Variants in NRG1 observed in about 807,000 individuals in gnomAD.
The protein encoded by NRG1 is neuregulin 1.
NRG1 carries 18 observed loss-of-function variants against 63.8 expected under a neutral mutation model. The ratio of observed to expected loss-of-function variants is 0.28; its 90% CI spans 0.19 to 0.42. The LOEUF (loss-of-function observed/expected upper bound fraction) is 0.42, where lower values mean the gene tolerates loss of function less well. Among genes scored for constraint, NRG1 ranks in the 10% least tolerant of loss-of-function variants. The pLI is 1.00. For synonymous variants in NRG1, 302 were observed against 301.3 expected (o/e 1.00, Z -0.02); for missense variants, 762 against 814.7 (o/e 0.94, Z 0.79).
chr8:31,912,402 G>A (rs1180178332), intron 1 of NRG1, among the ~76,000 whole-genome samples: 2 of 151,984 alleles, frequency 1.3e-5, no homozygotes, highest in African/African-American at 2.4e-5. Context: ...CAGGTGGCTG[G>A]CAGTGTGGGG....
intron 5 of NRG1, among the ~76,000 whole-genome samples, chr8:32,639,917 T>A (rs1039247370): frequency 1.1e-4 from 16 of 152,232 alleles, no homozygotes; most frequent in African/African-American, 3.6e-4. Context: ...AAACTTCTCT[T>A]ACTGCATTAA....
intron 1 of NRG1, among the ~76,000 whole-genome samples, chr8:32,452,387 AT>A (rs764685491): frequency 3.3e-5 from 5 of 152,088 alleles, no homozygotes; most frequent in Non-Finnish European, 7.4e-5. Context: ...CTTACGTTGT[AT>A]TTTATGAAAT....
At chr8:32,090,441 C>G (rs1828949987) in intron 1 of NRG1, among the ~76,000 whole-genome samples, 2 of 152,156 alleles carry the variant, frequency 1.3e-5, no homozygotes, top group Admixed American at 1.3e-4. Flanking sequence ...CTGCCTCAGC[C>G]TCCCGAGAAG....
intron 1 of NRG1, among the ~76,000 whole-genome samples, chr8:32,520,631 G>C (rs1830250869): frequency 6.6e-6 from 1 of 152,220 alleles, no homozygotes; most frequent in African/African-American, 2.4e-5. Context: ...AGTCATATGA[G>C]TATATAGTGA....
intron 5 of NRG1, among the ~76,000 whole-genome samples, chr8:32,686,750 G>A (rs943756672): frequency 2.6e-5 from 4 of 152,202 alleles, no homozygotes; most frequent in Non-Finnish European, 5.9e-5. Context: ...GGGAGCCCCG[G>A]AGACTGTGAG....
chr8:31,666,432 C>A (rs1258462161), intron 1 of NRG1, among the ~76,000 whole-genome samples: 1 of 151,796 alleles, frequency 6.6e-6, no homozygotes, highest in Non-Finnish European at 1.5e-5. Context: ...TAGAACTTCT[C>A]CAAAAAAATA....
At chr8:31,815,983 C>T (rs1029899746) in intron 1 of NRG1, among the ~76,000 whole-genome samples, 4 of 152,042 alleles carry the variant, frequency 2.6e-5, no homozygotes, top group African/African-American at 4.8e-5. Flanking sequence ...GTGTATTCAG[C>T]GTTTGCTTAT....
intron 1 of NRG1, among the ~76,000 whole-genome samples, chr8:31,661,112 T>G (rs902731417): frequency 6.6e-6 from 1 of 152,214 alleles, no homozygotes; most frequent in Non-Finnish European, 1.5e-5. Context: ...TTTTCCACAT[T>G]GGTATGTTTC....
At chr8:32,009,786 CCTAATGACCAA>C (rs1814434741) in intron 1 of NRG1, among the ~76,000 whole-genome samples, 2 of 152,000 alleles carry the variant, frequency 1.3e-5, no homozygotes, top group South Asian at 4.2e-4. Flanking sequence ...GTTTATTGTT[CCTAATGACCAA>C]TATGCTCTAC....
chr8:31,914,327 T>G (rs1833197620), intron 1 of NRG1, among the ~76,000 whole-genome samples: 5 of 152,118 alleles, frequency 3.3e-5, no homozygotes, highest in Admixed American at 3.3e-4. Flanking sequence ...CAAATTTTCT[T>G]TGTTAAAATC....
intron 1 of NRG1, among the ~76,000 whole-genome samples, chr8:32,298,571 G>T (rs1434168899): frequency 1.3e-5 from 2 of 151,724 alleles, no homozygotes; most frequent in African/African-American, 2.4e-5. Flanking sequence ...CAAAATAACC[G>T]TGTGTGGCGG....
At chr8:31,842,536 T>G (rs7837138) in intron 1 of NRG1, among the ~76,000 whole-genome samples, 5 of 152,174 alleles carry the variant, frequency 3.3e-5, no homozygotes, top group Non-Finnish European at 5.9e-5. Flanking sequence ...ACACTATGGG[T>G]TGATAACCTC....
intron 3 of NRG1, among the ~76,000 whole-genome samples, chr8:32,608,092 G>GTTT (rs1226154193): frequency 4.7e-5 from 5 of 106,194 alleles, no homozygotes; most frequent in African/African-American, 1.7e-4. Context: ...GGTTTTTTTT[G>GTTT]TTTTTTTTTT....
At chr8:31,957,921 T>C (rs1039253188) in intron 1 of NRG1, among the ~76,000 whole-genome samples, 3 of 152,338 alleles carry the variant, frequency 2.0e-5, no homozygotes, top group Middle Eastern at 3.4e-3. Flanking sequence ...ACTACCTACC[T>C]CACAGAGGAC....
At chr8:32,529,039 C>A (rs891312698) in intron 1 of NRG1, among the ~76,000 whole-genome samples, 13 of 152,138 alleles carry the variant, frequency 8.5e-5, no homozygotes, top group Non-Finnish European at 1.9e-4. Context: ...AGGCAATTCC[C>A]GTCATTGTGT....
intron 1 of NRG1, among the ~76,000 whole-genome samples, chr8:32,002,386 A>G (rs1813076511): frequency 6.6e-6 from 1 of 151,914 alleles, no homozygotes; most frequent in Non-Finnish European, 1.5e-5. Context: ...TAATTCATTT[A>G]TTTACATCAA....
chr8:32,252,316 T>G lies in NRG1; in HGVS notation c.38-343512T>G, dbSNP rs577332779. On this transcript the variant is annotated intron_variant, in intron 1 of 10. Coordinates refer to the NRG1 transcript ENST00000519301. The stretch of plus-strand genomic sequence containing the variant: ...ACTGCGTCAGTTTTCTTCCAGAGTT[T>G]TATGGTTTTAGGTCTTATGTGTAAG... Among the ~76,000 whole-genome samples, 44 of 152,344 alleles carry G rather than the reference T, an allele frequency of 2.9e-4. No homozygotes were observed. The South Asian group carries it at 8.3e-3, about 29-fold the overall frequency.
intron 1 of NRG1, among the ~76,000 whole-genome samples, chr8:31,933,968 ACT>A (rs199707199): frequency 0.013 from 1,933 of 152,306 alleles, 30 homozygotes; most frequent in South Asian, 0.084. Flanking sequence ...AAGCCTGATC[ACT>A]AGAATACATT....
intron 1 of NRG1, among the ~76,000 whole-genome samples, chr8:32,310,604 A>G (rs1856707927): frequency 6.6e-6 from 1 of 152,214 alleles, no homozygotes; most frequent in African/African-American, 2.4e-5. Flanking sequence ...GACTGGTTTT[A>G]TAGAACCCAT....
Sources: allele counts gnomAD v4.1 joint callset (sites outside exome capture counted in the v4.1 genomes callset), GRCh38; gene constraint gnomAD v4.1.1; transcripts MANE v1.5; gene names NCBI Gene and HGNC (gene_info 2026-07-23, HGNC 2026-07-21).